Variants in CCDC91 observed in about 807,000 individuals in gnomAD.
CCDC91 encodes coiled-coil domain containing 91.
Under a neutral mutation model 63.2 loss-of-function variants are expected in CCDC91, and 48 were observed. The ratio of observed to expected loss-of-function variants is 0.76; its 90% confidence interval spans 0.60 to 0.97. The LOEUF (loss-of-function observed/expected upper bound fraction) is 0.97, where lower values mean the gene tolerates loss of function less well. Among genes scored for constraint, CCDC91 ranks in the 50% least tolerant of loss-of-function variants. The probability of loss-of-function intolerance (pLI) is 0.00; values close to 1 mark genes in which losing one functional copy is unlikely to be tolerated. For synonymous variants in CCDC91, 167 were observed against 165.8 expected, an observed-to-expected ratio of 1.01 and a Z score of -0.06; for missense variants, 500 against 494.6, an observed-to-expected ratio of 1.01 and a Z score of -0.10.
intron 8 of CCDC91, among the ~76,000 whole-genome samples, chr12:28,436,677 A>G (rs1948925420): frequency 6.6e-6 from 1 of 151,810 alleles, no homozygotes; most frequent in African/African-American, 2.4e-5. Context: ...CTAGCAACAG[A>G]TTATCTCATT....
At chr12:28,376,941 A>C (rs1944984589) in intron 7 of CCDC91, among the ~76,000 whole-genome samples, 1 of 151,830 alleles carries the variant, frequency 6.6e-6, no homozygotes, top group African/African-American at 2.4e-5. Context: ...GTGAGTGGAA[A>C]GCACTCAAGA....
chr12:28,384,314 A>C (rs1365504740), intron 7 of CCDC91, among the ~76,000 whole-genome samples: 1 of 152,162 alleles, frequency 6.6e-6, no homozygotes, highest in Non-Finnish European at 1.5e-5. Flanking sequence ...GAACATGTAA[A>C]AACATAAACT....
intron 12 of CCDC91, among the ~76,000 whole-genome samples, chr12:28,508,969 C>T (rs1247780705): frequency 6.6e-6 from 1 of 151,954 alleles, no homozygotes; most frequent in Non-Finnish European, 1.5e-5. Context: ...AGTCTTAGCT[C>T]TGCCTTCAAT....
chr12:28,529,036 A>T (rs945999125), intron 12 of CCDC91, among the ~76,000 whole-genome samples: 75 of 152,140 alleles, frequency 4.9e-4, no homozygotes, highest in South Asian at 4.1e-4. Flanking sequence ...TATATATATA[A>T]AAGTATATTT....
chr12:28,359,708 G>GGGTA (rs1227097027), intron 6 of CCDC91, among the ~76,000 whole-genome samples: 1 of 151,754 alleles, frequency 6.6e-6, no homozygotes, highest in African/African-American at 2.4e-5. Context: ...TATATCCCCA[G>GGGTA]GGTAGGATAT....
At chr12:28,539,530 T>C (rs1395168562) in intron 12 of CCDC91, among the ~76,000 whole-genome samples, 1 of 152,164 alleles carries the variant, frequency 6.6e-6, no homozygotes, top group Admixed American at 6.6e-5. Flanking sequence ...TAGTTTGAAG[T>C]CAGGTAGCAT....
At chr12:28,399,396 G>A (rs1946481521) in intron 8 of CCDC91, among the ~76,000 whole-genome samples, 1 of 152,030 alleles carries the variant, frequency 6.6e-6, no homozygotes, top group South Asian at 2.1e-4. Flanking sequence ...CAACACTTGG[G>A]GATTATGGGA....
chr12:28,326,142 C>T lies in CCDC91; in HGVS notation c.576+18393C>T, dbSNP rs1457897414. Among the ~76,000 whole-genome samples, 11 of 152,138 alleles carry T rather than the reference C, an allele frequency of 7.2e-5. No homozygotes were observed. In the East Asian group the frequency reaches 1.2e-3, roughly 16 times the overall value. On this transcript the variant is annotated intron_variant, in intron 6 of 12. Coordinates refer to ENST00000536442, the MANE Select transcript of CCDC91 (RefSeq NM_018318.5). ...AATCTGTATTTTTCCCTCCAGTGGACCCCTCATTTGTTCTCTGTGCCATTA... is the reference window on the plus strand; with the variant it reads ...AATCTGTATTTTTCCCTCCAGTGGATCCCTCATTTGTTCTCTGTGCCATTA...
At chr12:28,476,906 C>G (rs1951129399) in intron 11 of CCDC91, among the ~76,000 whole-genome samples, 1 of 152,146 alleles carries the variant, frequency 6.6e-6, no homozygotes, top group South Asian at 2.1e-4. Context: ...TACACCCTCA[C>G]AAGACTAAAC....
At chr12:28,452,740 T>A in intron 11 of CCDC91, 86 bp downstream of exon 11, 1 of 571,144 alleles carries the variant, frequency 1.8e-6, no homozygotes, top group Non-Finnish European at 2.8e-6. Flanking sequence ...TTTATCTTAC[T>A]TAAAACAACC....
intron 8 of CCDC91, among the ~76,000 whole-genome samples, chr12:28,396,357 G>C (rs187683937): frequency 8.5e-5 from 13 of 152,282 alleles, no homozygotes; most frequent in Admixed American, 8.5e-4. Context: ...AGAACATTGG[G>C]TGCTATTAAA....
intron 12 of CCDC91, among the ~76,000 whole-genome samples, chr12:28,488,090 C>T (rs904710663): frequency 4.0e-5 from 6 of 151,676 alleles, no homozygotes; most frequent in Non-Finnish European, 7.4e-5. Context: ...AGTACTTAAT[C>T]AGTTATCCAT....
chr12:28,267,932 A>G (rs1427444336), intron 3 of CCDC91, among the ~76,000 whole-genome samples: 3 of 102,990 alleles, frequency 2.9e-5, no homozygotes, highest in African/African-American at 1.2e-4. Context: ...ATAATTATAT[A>G]TAATTATATA....
intron 11 of CCDC91, among the ~76,000 whole-genome samples, chr12:28,466,588 C>G (rs1380097527): frequency 6.6e-6 from 1 of 151,992 alleles, no homozygotes; most frequent in East Asian, 1.9e-4. Context: ...AGGAAATAAA[C>G]TTTTACCCTA....
intron 8 of CCDC91, among the ~76,000 whole-genome samples, chr12:28,423,772 T>G (rs1210402993): frequency 1.3e-5 from 2 of 152,160 alleles, no homozygotes; most frequent in Non-Finnish European, 2.9e-5. Flanking sequence ...TTTTAAAAAC[T>G]AATGTAATTT....
chr12:28,459,330 T>A (rs1950199355), intron 11 of CCDC91, among the ~76,000 whole-genome samples: 1 of 152,148 alleles, frequency 6.6e-6, no homozygotes, highest in Non-Finnish European at 1.5e-5. Flanking sequence ...TCTTCTCCAA[T>A]AGATTATGAG....
intron 3 of CCDC91, among the ~76,000 whole-genome samples, chr12:28,302,092 G>A (rs2137007951): frequency 6.6e-6 from 1 of 150,734 alleles, no homozygotes; most frequent in East Asian, 2.0e-4. Flanking sequence ...TTCTTTTTTA[G>A]TTTGAGCTCG....
At chr12:28,192,817 A>G (rs529804453) in intron 1 of CCDC91, among the ~76,000 whole-genome samples, 3 of 152,298 alleles carry the variant, frequency 2.0e-5, no homozygotes, top group Admixed American at 2.0e-4. Flanking sequence ...TTTTTATTAT[A>G]TTGCTGTATA....
intron 7 of CCDC91, among the ~76,000 whole-genome samples, chr12:28,385,240 T>G (rs1323912045): frequency 6.6e-6 from 1 of 152,126 alleles, no homozygotes; most frequent in East Asian, 1.9e-4. Context: ...ATGATTATTT[T>G]GTATATACTA....
Sources: allele counts gnomAD v4.1 joint callset (sites outside exome capture counted in the v4.1 genomes callset), GRCh38; gene constraint gnomAD v4.1.1; transcripts MANE v1.5; gene names NCBI Gene and HGNC (gene_info 2026-07-23, HGNC 2026-07-21).